Variants in LIN7A observed in about 807,000 individuals in gnomAD.
LIN7A encodes lin-7 cell polarity scaffold A, also known as protein lin-7 homolog A.
LIN7A carries 25 observed loss-of-function variants against 29.8 expected under a neutral mutation model. The observed-to-expected ratio is 0.84, with a 90% CI of 0.61 to 1.17. LIN7A has a LOEUF of 1.17. Ranked by LOEUF, LIN7A falls within the 50% of genes most tolerant of loss-of-function variation. The pLI, the probability that LIN7A is intolerant of heterozygous loss-of-function variation, is 0.00. For synonymous variants in LIN7A, 118 were observed against 107.5 expected (o/e 1.10, Z -0.60); for missense variants, 239 against 287.0 (o/e 0.83, Z 1.21).
In LIN7A at chr12:80,908,000, A is replaced by C. The variant is rs554560265; in HGVS notation, c.83-18631T>G. Among the ~76,000 whole-genome samples, 5 of 152,242 alleles carry C rather than the reference A, an allele frequency of 3.3e-5. No homozygotes were observed. In the East Asian group the frequency reaches 7.7e-4, roughly 23 times the overall value. On this transcript the variant is annotated intron_variant, in intron 1 of 5. Coordinates refer to ENST00000552864, the MANE Select transcript of LIN7A (RefSeq NM_004664.4). ...ATAAATTTATAGATAAGCAAACCAA[A>C]ACCAAGTAAGATAAAGTTATTGCCT...
At chr12:80,882,284 A>ATTTTTTTTTTTTTTTTTTTTTTTTT (rs1463134808) in intron 2 of LIN7A, among the ~76,000 whole-genome samples, 8 of 71,984 alleles carry the variant, frequency 1.1e-4, no homozygotes, top group Non-Finnish European at 2.6e-4. Context: ...TTTTTCTTTC[A>ATTTTTTTTTTTTTTTTTTTTTTTTT]TTCTTTTTTT....
chr12:80,864,714 C>T (rs536665189), intron 2 of LIN7A, among the ~76,000 whole-genome samples: 14 of 152,218 alleles, frequency 9.2e-5, no homozygotes, highest in East Asian at 3.9e-4. Flanking sequence ...GGCATCAAAA[C>T]GCAACATTTT....
At chr12:80,909,431 C>T (rs973650811) in intron 1 of LIN7A, among the ~76,000 whole-genome samples, 10 of 152,116 alleles carry the variant, frequency 6.6e-5, no homozygotes, top group African/African-American at 2.4e-4. Context: ...TCCATTGAGG[C>T]TGCTATTGAA....
rs547538697 is a variant in LIN7A at position 80,795,971 on chromosome 12, T to C, written c.*1756A>G. 6 of 152,266 alleles carry C rather than the reference T, an allele frequency of 3.9e-5. No individual in the cohort carries two copies. Among genetic ancestry groups the C allele is most frequent in the Admixed American group, 1.3e-4 (2 of 15,280 alleles). 9.4% of individuals were successfully genotyped at this position (152,266 alleles called of 1,614,324 possible). On this transcript the variant is annotated 3_prime_UTR_variant, in exon 6 of 6. Coordinates refer to ENST00000552864, the MANE Select transcript of LIN7A (RefSeq NM_004664.4). ...GGGAATCTGTTATCACAGGGGTGTA[T>C]TGTTGAAATTAGCAAATGTCCTAGT...
intron 4 of LIN7A, among the ~76,000 whole-genome samples, chr12:80,839,416 T>C (rs1872713193): frequency 6.6e-6 from 1 of 152,146 alleles, no homozygotes; most frequent in Non-Finnish European, 1.5e-5. Context: ...ATGAATTCAT[T>C]ATGTAGAGTG....
intron 1 of LIN7A, among the ~76,000 whole-genome samples, chr12:80,919,122 C>T (rs1159068636): frequency 6.6e-6 from 1 of 152,120 alleles, no homozygotes; most frequent in Non-Finnish European, 1.5e-5. Context: ...GAATGTATTT[C>T]CATCGTTAAG....
At chr12:80,805,480 T>C (rs1192823958) in intron 5 of LIN7A, among the ~76,000 whole-genome samples, 1 of 152,098 alleles carries the variant, frequency 6.6e-6, no homozygotes, top group East Asian at 1.9e-4. Context: ...TTTAATAAGA[T>C]ACAGGCTGGT....
intron 1 of LIN7A, among the ~76,000 whole-genome samples, chr12:80,898,676 T>C (rs965570256): frequency 2.0e-5 from 3 of 152,186 alleles, no homozygotes; most frequent in African/African-American, 7.2e-5. Flanking sequence ...TGTTTTGTAA[T>C]TCTGATTGTA....
At position 80,904,883 on chromosome 12, in the gene LIN7A, A is replaced by G. The variant is rs1876394420; in HGVS notation, c.83-15514T>C. Among the ~76,000 whole-genome samples the G allele has an allele frequency of 5.9e-5, 9 of 152,320 alleles. No individual in the cohort carries two copies. In the South Asian group the frequency reaches 1.4e-3, roughly 25 times the overall value. ...TTTTAATAGTTTTGTGCATGAAACA[A>G]AGCTTGTGTACATGAGATCAGGTGT... On this transcript the variant is annotated intron_variant, in intron 1 of 5. Coordinates refer to ENST00000552864, the MANE Select transcript of LIN7A (RefSeq NM_004664.4).
chr12:80,862,292 C>T (rs1873919372), intron 2 of LIN7A, among the ~76,000 whole-genome samples: 1 of 152,128 alleles, frequency 6.6e-6, no homozygotes, highest in African/African-American at 2.4e-5. Flanking sequence ...AACTGTATAC[C>T]TAGGTCTGAC....
chr12:80,902,143 CT>C (rs1876245720), intron 1 of LIN7A, among the ~76,000 whole-genome samples: 1 of 151,088 alleles, frequency 6.6e-6, no homozygotes, highest in Non-Finnish European at 1.5e-5. Context: ...TTTTGCCAGC[CT>C]TTTTGAAGAT....
intron 4 of LIN7A, among the ~76,000 whole-genome samples, chr12:80,830,459 G>A (rs572932856): frequency 3.1e-4 from 47 of 152,160 alleles, no homozygotes; most frequent in African/African-American, 1.1e-3. Flanking sequence ...CTCTGCAGAC[G>A]CTTGGCTTAG....
chr12:80,914,740 C>T (rs906390040), intron 1 of LIN7A, among the ~76,000 whole-genome samples: 3 of 152,094 alleles, frequency 2.0e-5, no homozygotes, highest in Non-Finnish European at 4.4e-5. Context: ...TATGGGCAAC[C>T]TCTATTAATA....
chr12:80,857,190 C>T (rs1248544020), intron 2 of LIN7A, among the ~76,000 whole-genome samples: 1 of 152,206 alleles, frequency 6.6e-6, no homozygotes, highest in Non-Finnish European at 1.5e-5. Context: ...TTATATTCCA[C>T]CTTCTAGGCC....
At chr12:80,845,367 T>C (rs1873023307) in intron 4 of LIN7A, among the ~76,000 whole-genome samples, 1 of 152,190 alleles carries the variant, frequency 6.6e-6, no homozygotes, top group Non-Finnish European at 1.5e-5. Context: ...AGTAAGGAGC[T>C]ATATCTTTAT....
intron 3 of LIN7A, among the ~76,000 whole-genome samples, chr12:80,846,293 T>C (rs893813016): frequency 9.8e-5 from 15 of 152,332 alleles, no homozygotes; most frequent in African/African-American, 3.6e-4. Flanking sequence ...AATTATTTTA[T>C]ACATGTGTTG....
rs1870370024 is a variant in LIN7A at position 80,794,765 on chromosome 12, A to G, written c.*2962T>C. ...TTGACTACATGATTGAGGAAACACA[A>G]AAGTCTGTTATTCTTTCCAAAGTCA... is the stretch of plus-strand genomic sequence containing the variant. On this transcript the variant is annotated 3_prime_UTR_variant, in exon 6 of 6. Transcript: ENST00000552864. The G allele has an allele frequency of 6.6e-6, 1 of 152,192 alleles. No homozygotes were observed. The highest frequency in any genetic ancestry group is 1.5e-5 in the Non-Finnish European group (1 of 68,014). 9.4% of individuals were successfully genotyped at this position (152,192 alleles called of 1,614,324 possible).
At chr12:80,897,990 G>T (rs925877797) in intron 1 of LIN7A, among the ~76,000 whole-genome samples, 2 of 152,046 alleles carry the variant, frequency 1.3e-5, no homozygotes, top group African/African-American at 4.8e-5. Flanking sequence ...GGTCCCATTT[G>T]TTAGGTTTTG....
chr12:80,898,835 GTATC>G (rs928583375), intron 1 of LIN7A, among the ~76,000 whole-genome samples: 18 of 152,108 alleles, frequency 1.2e-4, no homozygotes, highest in Non-Finnish European at 5.9e-5. Context: ...CATTGTTTTT[GTATC>G]CTGAAATTTT....
Sources: gnomAD v4.1 joint callset for allele counts (sites outside exome capture counted in the v4.1 genomes callset) on GRCh38, gnomAD v4.1.1 for gene constraint, MANE v1.5 for transcripts, NCBI Gene and HGNC (gene_info 2026-07-23, HGNC 2026-07-21) for gene names.